Variants in MORN1 observed in about 807,000 individuals in gnomAD.
MORN1 encodes MORN repeat-containing protein 1.
MORN1 carries 67 observed loss-of-function variants against 61.9 expected under a neutral mutation model. The ratio of observed to expected loss-of-function variants is 1.08; its 90% CI spans 0.89 to 1.33. The LOEUF (loss-of-function observed/expected upper bound fraction) is 1.33. Among genes scored for constraint, MORN1 ranks in the 40% most tolerant of loss-of-function variants. The pLI is 0.00. For synonymous variants in MORN1, 301 were observed against 292.0 expected, an observed-to-expected ratio of 1.03 and a Z score of -0.31; for missense variants, 752 against 691.2, an observed-to-expected ratio of 1.09 and a Z score of -0.99.
intron 10 of MORN1, among the ~76,000 whole-genome samples, chr1:2,339,100 G>C (rs567276537): frequency 1.3e-5 from 2 of 152,330 alleles, no homozygotes; most frequent in East Asian, 3.9e-4. Context: ...AGAGTGAAGA[G>C]GAGGCCCTCC....
At chr1:2,369,789 C>T (rs923421862) in intron 8 of MORN1, among the ~76,000 whole-genome samples, 1 of 152,010 alleles carries the variant, frequency 6.6e-6, no homozygotes, top group Admixed American at 6.6e-5. Context: ...CAAAGAAGTG[C>T]AAGATGTGTG....
intron 12 of MORN1, among the ~76,000 whole-genome samples, chr1:2,330,628 C>T (rs115975280): frequency 3.5e-4 from 53 of 152,328 alleles, no homozygotes; most frequent in South Asian, 1.0e-3. Flanking sequence ...AATGACTAAT[C>T]GCAGAAGTCT....
intron 10 of MORN1, among the ~76,000 whole-genome samples, chr1:2,346,107 C>T (rs1044212704): frequency 2.0e-5 from 3 of 151,914 alleles, no homozygotes; most frequent in South Asian, 2.1e-4. Context: ...AGGAACCTTC[C>T]TCAGACAAAG....
rs1170043093 is a variant in MORN1, at chr1:2,334,498, A to G, written c.1250+1971T>C. ...GGTTTCCGCACCCAGAAGACGTAGT[A>G]AGGCCAGCTGCATGGAGAGGCGGGG... On this transcript the variant is annotated intron_variant, in intron 12 of 13. Coordinates refer to ENST00000378531, the MANE Select transcript of MORN1 (RefSeq NM_024848.3). The surrounding 1 kb of genome is among the most constrained non-coding windows in gnomAD (Gnocchi z 5.4). Among the ~76,000 whole-genome samples, 1 of 152,170 alleles carries G rather than the reference A, an allele frequency of 6.6e-6. No homozygotes were observed. Among genetic ancestry groups the G allele is most frequent in the East Asian group, 1.9e-4 (1 of 5,186 alleles).
Position 2,357,154 on chromosome 1 carries a change from T to C in MORN1, c.1036+278A>G, listed in dbSNP as rs929959395. ...GGTGAGTCTGCTGCCCTCAGCCAAG[T>C]AGACCCAGAACTCTGCCCTGAGGAC... is the stretch of plus-strand genomic sequence containing the variant. On this transcript the variant is annotated intron_variant, in intron 10 of 13. Coordinates refer to ENST00000378531, the MANE Select transcript of MORN1 (RefSeq NM_024848.3). The surrounding 1 kb of genome is among the most constrained non-coding windows in gnomAD (Gnocchi z 6.3). Among the ~76,000 whole-genome samples, 1 of 152,132 alleles carries C rather than the reference T, an allele frequency of 6.6e-6. No individual in the cohort carries two copies. Among genetic ancestry groups the C allele is most frequent in the African/African-American group, 2.4e-5 (1 of 41,426 alleles).
chr1:2,384,435 G>A (rs553337605), intron 6 of MORN1, among the ~76,000 whole-genome samples: 1 of 152,284 alleles, frequency 6.6e-6, no homozygotes, highest in East Asian at 1.9e-4. Context: ...CTGCCTCTTT[G>A]GCATCAGCAC....
intron 1 of MORN1, 92 bp downstream of exon 1, chr1:2,391,366 G>T: frequency 8.1e-7 from 1 of 1,227,138 alleles, no homozygotes; most frequent in Non-Finnish European, 1.0e-6. Context: ...ACTTTCCGAG[G>T]TGAGCATTTG....
intron 12 of MORN1, among the ~76,000 whole-genome samples, chr1:2,328,001 C>T (rs974533090): frequency 3.3e-5 from 5 of 152,198 alleles, no homozygotes; most frequent in Admixed American, 6.5e-5. Context: ...CAGACAGCAG[C>T]GAGCCACCGA....
At chr1:2,345,146 G>T (rs142504620) in intron 10 of MORN1, among the ~76,000 whole-genome samples, 3,472 of 152,258 alleles carry the variant, frequency 0.023, 60 homozygotes, top group Non-Finnish European at 0.034. Flanking sequence ...GTCAGCCCCC[G>T]CGAGGGTCCA....
At chr1:2,355,275 C>T in intron 10 of MORN1, 1 of 1,434,104 alleles carries the variant, frequency 7.0e-7, no homozygotes, top group Non-Finnish European at 9.2e-7. Flanking sequence ...GGGGCGCGGG[C>T]CGGGCCCCCC....
chr1:2,375,736 TGCCAGGTGGGCAGAG>T (rs1642219256), intron 6 of MORN1: 1 of 152,182 alleles, frequency 6.6e-6, no homozygotes, highest in African/African-American at 2.4e-5. Context: ...CAGCTCGGGG[TGCCAGGTGGGCAGAG>T]GCCCGGCTGC....
intron 12 of MORN1, among the ~76,000 whole-genome samples, chr1:2,329,500 C>T (rs1225682238): frequency 6.6e-6 from 1 of 152,180 alleles, no homozygotes; most frequent in Non-Finnish European, 1.5e-5. Context: ...GGGGGCCCAG[C>T]CCCCCGCCTG....
intron 6 of MORN1, among the ~76,000 whole-genome samples, chr1:2,380,120 C>T (rs556089749): frequency 5.9e-5 from 9 of 152,234 alleles, no homozygotes; most frequent in Admixed American, 5.2e-4. Context: ...GACACCGCGC[C>T]GGGTGAAACA....
intron 13 of MORN1, chr1:2,322,268 C>T: frequency 1.0e-6 from 1 of 985,446 alleles, no homozygotes; most frequent in Non-Finnish European, 1.2e-6. Context: ...CCATCCTCTC[C>T]CCTCCCCTGA....
intron 12 of MORN1, among the ~76,000 whole-genome samples, chr1:2,331,514 G>A (rs536125648): frequency 6.9e-4 from 105 of 152,302 alleles, no homozygotes; most frequent in African/African-American, 2.5e-3. Context: ...TGGCCACCCT[G>A]CACATGGGTG....
intron 6 of MORN1, among the ~76,000 whole-genome samples, chr1:2,384,695 G>A (rs1485938644): frequency 6.6e-6 from 1 of 152,182 alleles, no homozygotes; most frequent in African/African-American, 2.4e-5. Flanking sequence ...GCTGAAGATG[G>A]GATTTAAGTC....
chr1:2,358,969 C>T (rs532762376), intron 8 of MORN1, among the ~76,000 whole-genome samples: 1 of 152,300 alleles, frequency 6.6e-6, no homozygotes, highest in South Asian at 2.1e-4. Context: ...CCCTGTACCC[C>T]TGTACCCCTT....
chr1:2,380,606 G>A (rs944936723), intron 6 of MORN1, among the ~76,000 whole-genome samples: 2 of 152,132 alleles, frequency 1.3e-5, no homozygotes, highest in Non-Finnish European at 2.9e-5. Context: ...TGCAGTGGGC[G>A]TGATCTCAGC....
At chr1:2,391,173 G>A (rs984579244) in intron 1 of MORN1, among the ~76,000 whole-genome samples, 6 of 152,156 alleles carry the variant, frequency 3.9e-5, no homozygotes, top group Admixed American at 1.3e-4. Context: ...TGGCTGTGAG[G>A]CTGCGGCCGG....
Sources: gnomAD v4.1 joint callset for allele counts (sites outside exome capture counted in the v4.1 genomes callset) on GRCh38, gnomAD v4.1.1 for gene constraint, Gnocchi (gnomAD v3.1) non-coding constraint, MANE v1.5 for transcripts, NCBI Gene and HGNC (gene_info 2026-07-23, HGNC 2026-07-21) for gene names.